NDUFS1: variants seen among roughly 807,000 people sequenced by gnomAD.
NDUFS1 encodes the protein NADH-ubiquinone oxidoreductase 75 kDa subunit, mitochondrial.
In NDUFS1, 61 loss-of-function variants were observed where a neutral mutation model predicts 84.4. That is an observed-to-expected ratio of 0.72 (90% CI 0.59 to 0.89). The LOEUF is 0.89. Ranked by LOEUF, NDUFS1 falls within the 40% of genes least tolerant of loss-of-function variation. The pLI, the probability that NDUFS1 is intolerant of heterozygous loss-of-function variation, is 0.00. For missense variants in NDUFS1, 891 were observed against 890.0 expected (o/e 1.00, Z -0.01); for synonymous variants, 275 against 290.0 (o/e 0.95, Z 0.53).
chr2:206,137,162 G>A (rs1252934922), intron 13 of NDUFS1, among the ~76,000 whole-genome samples: 2 of 152,112 alleles, frequency 1.3e-5, no homozygotes, highest in Non-Finnish European at 2.9e-5. Context: ...TTATAGTGAT[G>A]TCTTCACCTT....
At position 206,116,613 on chromosome 2, in the gene NDUFS1, T is replaced by G; in HGVS notation, c.*7572A>C. 1 of 494,454 alleles carries G rather than the reference T, an allele frequency of 2.0e-6. No individual in the cohort carries two copies. Among genetic ancestry groups the G allele is most frequent in the South Asian group, 2.1e-5 (1 of 48,430 alleles). The allele number at this position is 494,454 out of a possible 1,614,324, so 30.6% of individuals were successfully genotyped here. A position where few individuals can be genotyped will look rare whatever the true frequency, so the allele number is the denominator to read the frequency against. ...TAAATTACCCAGTCTGGGCCTGGTG[T>G]GTTGGCTCACATGTGTAATTCCAGA... On this transcript the variant is annotated 3_prime_UTR_variant, in exon 19 of 19. Transcript: ENST00000233190.
rs1307687805 is a variant in NDUFS1, at chr2:206,121,460, A to AT, written c.*2724dup. On this transcript the variant is annotated 3_prime_UTR_variant, in exon 19 of 19. Transcript: ENST00000233190. Reference sequence around the variant, plus strand: ...GGAGGTATTATTTATTTATTTATTTATTTTTTGAGAGGGAGGCTTGTTTCT... The same window carrying AT: ...GGAGGTATTATTTATTTATTTATTTATTTTTTTGAGAGGGAGGCTTGTTTCT... The AT allele has an allele frequency of 6.6e-6, 1 of 151,936 alleles. No homozygotes were observed. The highest frequency in any genetic ancestry group is 1.5e-5 in the Non-Finnish European group (1 of 67,980). The allele number at this position is 151,936 out of a possible 1,614,324, so 9.4% of individuals were successfully genotyped here.
Position 206,119,923 on chromosome 2 carries a change from G to C in NDUFS1, c.*4262C>G, listed in dbSNP as rs989337305. ...AATGTAACCCCCAATGCTGGAGGTA[G>C]GGCCTCGTGGGAGGTATAGAATCAT... On this transcript the variant is annotated 3_prime_UTR_variant, in exon 19 of 19. Transcript: ENST00000233190. The C allele has an allele frequency of 2.0e-5, 3 of 152,042 alleles. No individual in the cohort carries two copies. Among genetic ancestry groups the C allele is most frequent in the Non-Finnish European group, 4.4e-5 (3 of 68,022 alleles). The allele number at this position is 152,042 out of a possible 1,614,324, so 9.4% of individuals were successfully genotyped here. A position where few individuals can be genotyped will look rare whatever the true frequency, so the allele number is the denominator to read the frequency against.
Position 206,155,317 on chromosome 2 carries a change from G to A in NDUFS1, c.-4-1635C>T, listed in dbSNP as rs184937409. ...TTTTTAGTAGAGACGGGGTTTCATC[G>A]TGTTAGCCATGATGGTCTCCATCTC... On this transcript the variant is annotated intron_variant, in intron 1 of 18. Coordinates refer to ENST00000233190, the MANE Select transcript of NDUFS1 (RefSeq NM_005006.7). 3.5e-3 allele frequency among the ~76,000 whole-genome samples: 526 copies of A among 151,882 alleles called. 6 individuals carry two copies. The highest frequency in any genetic ancestry group is 0.012 in the African/African-American group (497 of 41,418).
rs1692182550 is a variant in NDUFS1, at chr2:206,147,076, C to T, written c.564G>A (p.Glu188=). ...QCTRCIRFAS[E]IAGVDDLGTT... ...TTCCCAAATCATCTACTCCTGCAAT[C>T]TCACTTGCAAACCTACAAGATAAAA... Residue 188 remains glutamate (E), a synonymous_variant, in exon 8 of 19, where the codon GAG becomes GAA. Transcript: ENST00000233190. 1 of 1,613,996 alleles carries T rather than the reference C, an allele frequency of 6.2e-7. No homozygotes were observed. The highest frequency in any genetic ancestry group is 1.3e-5 in the African/African-American group (1 of 74,916).
intron 1 of NDUFS1, 91 bp from the exon 2 acceptor site, chr2:206,153,773 T>C (rs2105984211): frequency 1.4e-6 from 1 of 719,608 alleles, no homozygotes. Flanking sequence ...TTATTTCACA[T>C]ACATTATGTC....
chr2:206,136,490 G>A (rs1691721969), intron 13 of NDUFS1, among the ~76,000 whole-genome samples: 1 of 144,998 alleles, frequency 6.9e-6, no homozygotes, highest in South Asian at 2.2e-4. Context: ...CTGGAGTGCA[G>A]TGGCATGATC....
chr2:206,126,820 C>A lies in NDUFS1; in HGVS notation c.1909G>T (p.Asp637Tyr). 3 of 1,614,096 alleles carry A rather than the reference C, an allele frequency of 1.9e-6. No individual in the cohort carries two copies. Among genetic ancestry groups the A allele is most frequent in the Non-Finnish European group, 2.5e-6 (3 of 1,180,016 alleles). ...SEIAGMTLPY[D>Y]TLDQVRNRLE... ...CTGTTCCTTACTTGATCCAGAGTAT[C>A]ATATGGAAGAGTCATTCCAGCAATC... Residue 637 changes from aspartate to tyrosine, a missense_variant, in exon 17 of 19, where the codon GAT becomes TAT. By Grantham distance (160) the Asp-to-Tyr change is radical. Coordinates refer to ENST00000233190, the MANE Select transcript of NDUFS1 (RefSeq NM_005006.7).
intron 4 of NDUFS1, 92 bp from the exon 5 acceptor site, chr2:206,149,188 CATTAA>C (rs1692276689): frequency 3.2e-6 from 3 of 946,492 alleles, no homozygotes; most frequent in Admixed American, 2.2e-5. Context: ...TATATAAAAA[CATTAA>C]ATTATACATT....
Position 206,116,562 on chromosome 2 carries a change from G to T in NDUFS1, c.*7623C>A. ...AGCCACTCGCGCGGGGAGGCGGGGCGGTGTGGGCAGAAGTAAATTTCTTTA... is the reference window on the plus strand; with the variant it reads ...AGCCACTCGCGCGGGGAGGCGGGGCTGTGTGGGCAGAAGTAAATTTCTTTA... On this transcript the variant is annotated 3_prime_UTR_variant, in exon 19 of 19. Transcript: ENST00000233190. The T allele has an allele frequency of 1.6e-6, 1 of 641,954 alleles. No homozygotes were observed. Among genetic ancestry groups the T allele is most frequent in the Non-Finnish European group, 2.7e-6 (1 of 369,282 alleles). The allele number at this position is 641,954 out of a possible 1,614,324, so 39.8% of individuals were successfully genotyped here.
In NDUFS1 at chr2:206,135,970, A is replaced by T. The variant is rs1330789784; in HGVS notation, c.1392+2515T>A. Among the ~76,000 whole-genome samples the T allele has an allele frequency of 2.0e-5, 3 of 152,044 alleles. No homozygotes were observed. In the East Asian group the frequency reaches 5.8e-4, roughly 29 times the overall value. ...CAATCACATGTGAGCAAGCAAATGC[A>T]CTGACGACAGCAAAGCAGGAAGGCA... is the stretch of plus-strand genomic sequence containing the variant. On this transcript the variant is annotated intron_variant, in intron 13 of 18. Transcript: ENST00000233190.
chr2:206,143,596 T>C (rs1346359192), intron 10 of NDUFS1, among the ~76,000 whole-genome samples: 2 of 152,014 alleles, frequency 1.3e-5, no homozygotes, highest in African/African-American at 4.8e-5. Context: ...CTTTTTTTTT[T>C]TTTGAGATGG....
rs914826384 is a variant in NDUFS1 at position 206,142,626 on chromosome 2, T to A, written c.1133+60A>T. On this transcript the variant is annotated intron_variant, in intron 11 of 18. Transcript: ENST00000233190. ...GGAGAATCCAGGTTGTCACATTTTA[T>A]ACATAACTTGTAACTAAAAAAAGAA... 3.8e-6 allele frequency: 6 copies of A among 1,599,756 alleles called. No homozygotes were observed. The Admixed American group carries it at 6.7e-5, about 18-fold the overall frequency.
chr2:206,152,584 T>C, intron 2 of NDUFS1, 74 bp from the exon 3 acceptor site: 1 of 1,310,996 alleles, frequency 7.6e-7, no homozygotes, highest in East Asian at 2.3e-5. Context: ...ATGAATTGAC[T>C]CTAACTACAA....
intron 14 of NDUFS1, among the ~76,000 whole-genome samples, chr2:206,132,466 A>C (rs1691550776): frequency 6.6e-6 from 1 of 152,156 alleles, no homozygotes. Context: ...CTGTAGCTTC[A>C]GCCATTTAAT....
At chr2:206,137,693 C>T (rs147918394) in intron 13 of NDUFS1, among the ~76,000 whole-genome samples, 133 of 152,016 alleles carry the variant, frequency 8.7e-4, no homozygotes, top group African/African-American at 3.1e-3. Context: ...CAACCATGAG[C>T]CACCTTTGGG....
chr2:206,134,265 A>C (rs1324356474), intron 13 of NDUFS1, among the ~76,000 whole-genome samples: 1 of 152,262 alleles, frequency 6.6e-6, no homozygotes, highest in African/African-American at 2.4e-5. Flanking sequence ...ATTATATAGT[A>C]AGGAGATTTT....
Position 206,147,671 on chromosome 2 carries a change from A to T in NDUFS1, c.421-10T>A. 1.9e-6 allele frequency: 3 copies of T among 1,614,098 alleles called. No individual in the cohort carries two copies. Among genetic ancestry groups the T allele is most frequent in the Non-Finnish European group, 2.5e-6 (3 of 1,180,024 alleles). On this transcript the variant is annotated splice_polypyrimidine_tract_variant and intron_variant, in intron 6 of 18. Transcript: ENST00000233190. ...ACATCATGGACTGGTCCTTAAGTAG[A>T]TTATGAAAGAGTCAATCTCATGCTG...
intron 3 of NDUFS1, among the ~76,000 whole-genome samples, 170 bp downstream of exon 3, chr2:206,152,249 T>C (rs1692397580): frequency 6.6e-6 from 1 of 152,246 alleles, no homozygotes; most frequent in African/African-American, 2.4e-5. Context: ...AACAAATATA[T>C]GATAGCTCAC....
Sources: allele counts gnomAD v4.1 joint callset (sites outside exome capture counted in the v4.1 genomes callset), GRCh38; gene constraint gnomAD v4.1.1; transcripts MANE v1.5; gene names NCBI Gene and HGNC (gene_info 2026-07-23, HGNC 2026-07-21).